FSTL4: variants seen among roughly 807,000 people sequenced by gnomAD.
FSTL4 encodes follistatin like 4.
Under a neutral mutation model 78.2 loss-of-function variants are expected in FSTL4, and 28 were observed. The ratio of observed to expected loss-of-function variants is 0.36; its 90% CI spans 0.27 to 0.49. FSTL4 has a LOEUF of 0.49. Ranked by LOEUF, FSTL4 falls within the 20% of genes least tolerant of loss-of-function variation. FSTL4 has a pLI of 0.98. For missense variants in FSTL4, 922 were observed against 1,084.9 expected, an observed-to-expected ratio of 0.85 and a Z score of 2.11; for synonymous variants, 422 against 440.5, an observed-to-expected ratio of 0.96 and a Z score of 0.53.
chr5:133,739,305 C>T, the FSTL4 span, among the ~76,000 whole-genome samples: 1 of 135,858 alleles, frequency 7.4e-6, no homozygotes, highest in Non-Finnish European at 1.6e-5. Flanking sequence ...TTTTTTTTAA[C>T]ACTAAGTGGT....
intron 3 of FSTL4, among the ~76,000 whole-genome samples, chr5:133,461,926 A>T (rs972087996): frequency 5.9e-5 from 9 of 152,328 alleles, no homozygotes; most frequent in Middle Eastern, 3.4e-3. Context: ...GCTCTCAGCA[A>T]GGATGAGACA....
At chr5:133,249,375 G>A (rs369235874) in intron 7 of FSTL4, 35 bp downstream of exon 7, 26 of 1,575,318 alleles carry the variant, frequency 1.7e-5, no homozygotes, top group Non-Finnish European at 1.9e-5. Flanking sequence ...CCAGGGAGGT[G>A]CGCTTGAGCT....
At chr5:133,745,929 T>C in the FSTL4 span, among the ~76,000 whole-genome samples, 32 of 152,302 alleles carry the variant, frequency 2.1e-4, no homozygotes, top group Admixed American at 2.0e-3. Context: ...ATACCTGCAA[T>C]TAATATTGAA....
the FSTL4 span, among the ~76,000 whole-genome samples, chr5:133,715,395 T>C: frequency 1.3e-5 from 2 of 152,244 alleles, no homozygotes; most frequent in African/African-American, 2.4e-5. Flanking sequence ...CAGTGAGTTA[T>C]GGCATGGTAC....
chr5:133,372,721 C>T (rs996153245), intron 4 of FSTL4, among the ~76,000 whole-genome samples: 3 of 152,160 alleles, frequency 2.0e-5, no homozygotes, highest in Non-Finnish European at 4.4e-5. Context: ...CTTGGGTAGC[C>T]AGCTCCTCTC....
chr5:133,428,501 G>A (rs1014457519), intron 3 of FSTL4, among the ~76,000 whole-genome samples: 21 of 152,208 alleles, frequency 1.4e-4, no homozygotes, highest in African/African-American at 5.1e-4. Flanking sequence ...TCCATTCTGG[G>A]TTCCAGCTAT....
chr5:133,404,701 T>C (rs73280140), intron 3 of FSTL4, among the ~76,000 whole-genome samples: 2,381 of 152,160 alleles, frequency 0.016, 54 homozygotes, highest in African/African-American at 0.053. Flanking sequence ...TGAGCGGTTG[T>C]GGAAGGCAAG....
intron 8 of FSTL4, among the ~76,000 whole-genome samples, chr5:133,230,563 T>C (rs1751462867): frequency 6.6e-6 from 1 of 152,192 alleles, no homozygotes; most frequent in South Asian, 2.1e-4. Context: ...CACCCTCTGC[T>C]GGTCTTGAGG....
the FSTL4 span, among the ~76,000 whole-genome samples, chr5:133,690,446 C>A: frequency 6.6e-6 from 1 of 152,056 alleles, no homozygotes; most frequent in Non-Finnish European, 1.5e-5. Context: ...TGCTGCACCT[C>A]AAATATGCTT....
intron 3 of FSTL4, among the ~76,000 whole-genome samples, chr5:133,551,761 T>C (rs1426476304): frequency 6.6e-6 from 1 of 152,240 alleles, no homozygotes; most frequent in African/African-American, 2.4e-5. Context: ...GCTATTCTGG[T>C]CTACTGAGTA....
intron 6 of FSTL4, among the ~76,000 whole-genome samples, chr5:133,255,877 C>T (rs562427423): frequency 9.2e-5 from 14 of 152,264 alleles, no homozygotes; most frequent in South Asian, 8.3e-4. Flanking sequence ...TAATCTCAGG[C>T]GCTATTTCTC....
At chr5:133,558,934 TC>T (rs1759857563) in intron 3 of FSTL4, among the ~76,000 whole-genome samples, 1 of 152,062 alleles carries the variant, frequency 6.6e-6, no homozygotes, top group South Asian at 2.1e-4. Flanking sequence ...AGGAGAGGTC[TC>T]CCCTTACAGA....
intron 3 of FSTL4, among the ~76,000 whole-genome samples, chr5:133,529,867 GT>G (rs747054667): frequency 1.7e-3 from 245 of 143,724 alleles, no homozygotes; most frequent in Middle Eastern, 7.2e-3. Context: ...AATGTTTCGG[GT>G]TTTTTTTTTT....
At chr5:133,369,932 C>T (rs1441130026) in intron 4 of FSTL4, among the ~76,000 whole-genome samples, 2 of 152,106 alleles carry the variant, frequency 1.3e-5, no homozygotes, top group African/African-American at 4.8e-5. Context: ...TCCCTCCCTC[C>T]CTCCCCAGGT....
At chr5:133,593,663 C>T (rs759479549) in intron 2 of FSTL4, among the ~76,000 whole-genome samples, 33 of 152,130 alleles carry the variant, frequency 2.2e-4, no homozygotes, top group African/African-American at 6.3e-4. Flanking sequence ...TGGGACCAGG[C>T]GTGGGGAATC....
chr5:133,629,232 T>C, the FSTL4 span, among the ~76,000 whole-genome samples: 1 of 152,078 alleles, frequency 6.6e-6, no homozygotes, highest in Admixed American at 6.5e-5. Flanking sequence ...GAGATAATCA[T>C]GTGGTTTTTG....
intron 2 of FSTL4, among the ~76,000 whole-genome samples, chr5:133,582,973 G>A (rs976079576): frequency 2.0e-5 from 3 of 152,114 alleles, no homozygotes; most frequent in Non-Finnish European, 2.9e-5. Flanking sequence ...ATACTCTGAA[G>A]GAGCCACCAC....
chr5:133,515,716 T>C (rs1758839320), intron 3 of FSTL4, among the ~76,000 whole-genome samples: 1 of 150,592 alleles, frequency 6.6e-6, no homozygotes, highest in Non-Finnish European at 1.5e-5. Context: ...ACAAAAAATA[T>C]AGATTAAATG....
intron 2 of FSTL4, chr5:133,574,936 A>C (rs544142245): frequency 6.6e-6 from 1 of 152,312 alleles, no homozygotes; most frequent in Middle Eastern, 3.4e-3. Flanking sequence ...GGGACACAGA[A>C]TGGTTTGTGG....
Sources: allele counts gnomAD v4.1 joint callset (sites outside exome capture counted in the v4.1 genomes callset), GRCh38; gene constraint gnomAD v4.1.1; transcripts MANE v1.5; gene names NCBI Gene and HGNC (gene_info 2026-07-23, HGNC 2026-07-21).